The following CACNA1C variants were observed in gnomAD, a reference collection of about 807,000 sequenced individuals.
CACNA1C encodes the protein calcium voltage-gated channel subunit alpha1 C.
A neutral mutation model predicts 229.0 loss-of-function variants in CACNA1C; 30 were observed. The observed-to-expected ratio is 0.13, with a 90% CI of 0.10 to 0.18. The LOEUF (loss-of-function observed/expected upper bound fraction) is 0.18. Ranked by LOEUF, CACNA1C falls within the 10% of genes least tolerant of loss-of-function variation. The pLI, the probability that CACNA1C is intolerant of heterozygous loss-of-function variation, is 1.00. For synonymous variants in CACNA1C, 1,114 were observed against 1,132.5 expected (o/e 0.98, Z 0.33); for missense variants, 1,658 against 2,845.0 (o/e 0.58, Z 9.49).
chr12:2,369,326 C>A (rs2097792175), intron 3 of CACNA1C, among the ~76,000 whole-genome samples: 1 of 151,404 alleles, frequency 6.6e-6, no homozygotes, highest in Admixed American at 6.6e-5. Context: ...GTAAAGGAAG[C>A]AAAGAAGTTT....
At chr12:2,442,397 G>A (rs1313037481) in intron 3 of CACNA1C, among the ~76,000 whole-genome samples, 1 of 152,050 alleles carries the variant, frequency 6.6e-6, no homozygotes, top group Non-Finnish European at 1.5e-5. Context: ...AACAGGGAGA[G>A]AAGGAAGAAA....
At chr12:2,120,158 A>G (rs2085913583) in intron 2 of CACNA1C, among the ~76,000 whole-genome samples, 167 bp from the exon 3 acceptor site, 1 of 152,242 alleles carries the variant, frequency 6.6e-6, no homozygotes, top group Non-Finnish European at 1.5e-5. Flanking sequence ...GGGACCCACT[A>G]GAAGCACTTA....
At chr12:2,168,152 C>T (rs74062240) in intron 3 of CACNA1C, among the ~76,000 whole-genome samples, 5,441 of 152,168 alleles carry the variant, frequency 0.036, 163 homozygotes, top group East Asian at 0.16. Flanking sequence ...GTCAGATCAT[C>T]AAAAGCCTTC....
At position 2,660,282 on chromosome 12, in the gene CACNA1C, G is replaced by A. The variant is rs543574013; in HGVS notation, c.4233-4543G>A. 2.0e-5 allele frequency: 3 copies of A among 152,170 alleles called. No homozygotes were observed. In the East Asian group the frequency reaches 5.8e-4, roughly 29 times the overall value. 9.4% of individuals were successfully genotyped at this position (152,170 alleles called of 1,614,324 possible). On this transcript the variant is annotated intron_variant, in intron 34 of 46. Coordinates refer to ENST00000399655, the MANE Select transcript of CACNA1C (RefSeq NM_000719.7). ...TAATTTGGTTTTTGTACAAAAAGAT[G>A]GGGGGGAGAGAAAGATATTTCTAGA...
intron 3 of CACNA1C, among the ~76,000 whole-genome samples, chr12:2,170,767 G>A (rs918334099): frequency 1.4e-4 from 22 of 152,370 alleles, no homozygotes; most frequent in Middle Eastern, 6.8e-3. Context: ...AAGCAAGGAA[G>A]TTGAGGACAC....
intron 15 of CACNA1C, among the ~76,000 whole-genome samples, chr12:2,583,887 A>T (rs906844007): frequency 6.6e-6 from 1 of 152,162 alleles, no homozygotes; most frequent in Non-Finnish European, 1.5e-5. Flanking sequence ...CGGGGGTCAG[A>T]CTTCACAGAC....
At chr12:2,096,001 C>CCCTG (rs2073780384) in intron 1 of CACNA1C, among the ~76,000 whole-genome samples, 1 of 152,150 alleles carries the variant, frequency 6.6e-6, no homozygotes, top group African/African-American at 2.4e-5. Flanking sequence ...TGGCTGTGTG[C>CCCTG]CAGGCTCTGG....
At chr12:2,578,977 G>A (rs2059566433) in intron 13 of CACNA1C, among the ~76,000 whole-genome samples, 1 of 152,050 alleles carries the variant, frequency 6.6e-6, no homozygotes, top group African/African-American at 2.4e-5. Context: ...CTGTTCCTGG[G>A]CCACAGCCTC....
chr12:2,259,164 C>G (rs1484298208), intron 3 of CACNA1C, among the ~76,000 whole-genome samples: 6 of 152,132 alleles, frequency 3.9e-5, no homozygotes, highest in African/African-American at 1.4e-4. Flanking sequence ...GGCCCTGAAC[C>G]AGCTGCATCA....
chr12:2,681,993 G>C, intron 42 of CACNA1C: 2 of 1,611,938 alleles, frequency 1.2e-6, no homozygotes, highest in Non-Finnish European at 8.5e-7. Flanking sequence ...GCTCAGGAGG[G>C]ATTCAGGCTC....
chr12:1,999,525 A>T (rs763749936), intron 1 of CACNA1C, among the ~76,000 whole-genome samples: 19 of 152,174 alleles, frequency 1.2e-4, no homozygotes, highest in Non-Finnish European at 2.1e-4. Context: ...GTTTGAGACC[A>T]GCCTGGGCAA....
chr12:2,394,023 T>G (rs888821832), intron 3 of CACNA1C, among the ~76,000 whole-genome samples: 1 of 151,528 alleles, frequency 6.6e-6, no homozygotes, highest in African/African-American at 2.4e-5. Flanking sequence ...GAGGATCTCT[T>G]GAGCCTAGGA....
chr12:1,978,102 C>T (rs896421172), intron 1 of CACNA1C, among the ~76,000 whole-genome samples: 6 of 152,148 alleles, frequency 3.9e-5, no homozygotes, highest in African/African-American at 9.7e-5. Context: ...TTAAGTTATA[C>T]GGTTTCCATA....
chr12:2,581,839 G>A (rs1238552638), intron 14 of CACNA1C, 42 bp downstream of exon 14: 1 of 1,284,850 alleles, frequency 7.8e-7, no homozygotes, highest in Non-Finnish European at 1.1e-6. Context: ...CGGGGTGGTT[G>A]AGTGGCGGGG....
rs150681757 is a variant in CACNA1C at position 2,664,052 on chromosome 12, A to G, written c.4233-773A>G. On this transcript the variant is annotated intron_variant, in intron 34 of 46. Coordinates refer to ENST00000399655, the MANE Select transcript of CACNA1C (RefSeq NM_000719.7). The stretch of plus-strand genomic sequence containing the variant: ...ACCGCGCCCGGCCAGAGAATAGAGT[A>G]TCTTAAGCACCCTACAAACGAACAA... 2.2e-3 allele frequency among the ~76,000 whole-genome samples: 332 copies of G among 152,294 alleles called. 2 individuals carry two copies. Among genetic ancestry groups the G allele is most frequent in the African/African-American group, 7.5e-3 (313 of 41,568 alleles).
In CACNA1C at chr12:2,605,337, A is replaced by G. The variant is rs2074826365; in HGVS notation, c.3048+169A>G. ...GTCCCGGTTCCGTAATGAACAGAAT[A>G]GTAACAGAGGCAGCCATCCCAAGTG... is the stretch of plus-strand genomic sequence containing the variant. On this transcript the variant is annotated intron_variant, in intron 23 of 46. Transcript: ENST00000399655. The surrounding 1 kb of genome is among the most constrained non-coding windows in gnomAD (Gnocchi z 6.2). Among the ~76,000 whole-genome samples, 4 of 152,160 alleles carry G rather than the reference A, an allele frequency of 2.6e-5. No individual in the cohort carries two copies. The highest frequency in any genetic ancestry group is 5.9e-5 in the Non-Finnish European group (4 of 68,032).
At chr12:2,239,232 C>T (rs1014608535) in intron 3 of CACNA1C, among the ~76,000 whole-genome samples, 1 of 152,186 alleles carries the variant, frequency 6.6e-6, no homozygotes, top group African/African-American at 2.4e-5. Flanking sequence ...GGAGAAGTTG[C>T]CTCCAGAGCA....
intron 29 of CACNA1C, among the ~76,000 whole-genome samples, chr12:2,627,667 C>T (rs886450772): frequency 2.0e-5 from 3 of 152,120 alleles, no homozygotes; most frequent in African/African-American, 7.2e-5. Context: ...TCCGGTGAAG[C>T]CATCTGTTGC....
chr12:2,230,167 A>G (rs1048116089), intron 3 of CACNA1C, among the ~76,000 whole-genome samples: 1 of 151,826 alleles, frequency 6.6e-6, no homozygotes, highest in African/African-American at 2.4e-5. Context: ...TGCGACCTGG[A>G]GCCGCGGGCA....
Sources: gnomAD v4.1 joint callset for allele counts (sites outside exome capture counted in the v4.1 genomes callset) on GRCh38, gnomAD v4.1.1 for gene constraint, Gnocchi (gnomAD v3.1) non-coding constraint, MANE v1.5 for transcripts, NCBI Gene and HGNC (gene_info 2026-07-23, HGNC 2026-07-21) for gene names.